The following NYAP2 variants were observed in gnomAD, a reference collection of about 807,000 sequenced individuals.
NYAP2 encodes neuronal tyrosine-phosphorylated phosphoinositide-3-kinase adapter 2.
In NYAP2, 23 loss-of-function variants were observed where a neutral mutation model predicts 50.4. The observed-to-expected ratio is 0.46, with a 90% confidence interval of 0.33 to 0.65. NYAP2 has a LOEUF of 0.65. Among genes scored for constraint, NYAP2 ranks in the 30% least tolerant of loss-of-function variants. The pLI is 0.02. For synonymous variants in NYAP2, 394 were observed against 365.2 expected, an observed-to-expected ratio of 1.08 and a Z score of -0.90; for missense variants, 885 against 861.0, an observed-to-expected ratio of 1.03 and a Z score of -0.35.
At chr2:225,646,165 T>C (rs1433618254) in intron 6 of NYAP2, among the ~76,000 whole-genome samples, 2 of 152,152 alleles carry the variant, frequency 1.3e-5, no homozygotes, top group Admixed American at 6.5e-5. Flanking sequence ...AGAAACACCA[T>C]AGGAAATTCC....
the NYAP2 span, among the ~76,000 whole-genome samples, chr2:225,685,173 T>TA: frequency 1.3e-5 from 2 of 152,306 alleles, no homozygotes; most frequent in South Asian, 4.1e-4. Context: ...TCTTGAGTAT[T>TA]AGTATGTTTT....
chr2:225,582,502 A>T lies in NYAP2; in HGVS notation c.1085A>T (p.Lys362Met). ...CCGCTTACCCCTCTGGAGGTCACGA[A>T]GCTTCCCGTGCTGGAAAACGTGTCT... Residue 362 changes from lysine to methionine, a missense_variant, in exon 5 of 7, where the codon AAG becomes ATG. Transcript: ENST00000636099. This position sits in a 1 kb window ranked among gnomAD's most constrained non-coding sequence, Gnocchi z 7.0. 6.5e-7 allele frequency: 1 copy of T among 1,540,626 alleles called. No homozygotes were observed. Among genetic ancestry groups the T allele is most frequent in the East Asian group, 2.3e-5 (1 of 42,960 alleles).
At position 225,413,077 on chromosome 2, in the gene NYAP2, C is replaced by A. The variant is rs183357227; in HGVS notation, c.221+3976C>A. Among the ~76,000 whole-genome samples, 154 of 152,234 alleles carry A rather than the reference C, an allele frequency of 1.0e-3. 1 individual carries two copies. Among genetic ancestry groups the A allele is most frequent in the Middle Eastern group, 3.4e-3 (1 of 294 alleles). ...GTAGTATGTGTCTTACTATCTAAAA[C>A]CTTCCTTTCTTTCCTACTCTCCCTC... On this transcript the variant is annotated intron_variant, in intron 3 of 6. Coordinates refer to ENST00000636099, the Ensembl canonical transcript of NYAP2.
At chr2:225,654,617 G>C (rs566838144), downstream of NYAP2, among the ~76,000 whole-genome samples, 5 of 152,282 alleles carry the variant, frequency 3.3e-5, no homozygotes, top group Admixed American at 2.0e-4. Flanking sequence ...CCAGGAGGCA[G>C]AGGTTGCAGT....
In NYAP2 at chr2:225,582,575, C is replaced by T. The variant is rs2106229853; in HGVS notation, c.1158C>T (p.His386=). Residue 386 remains histidine, a synonymous_variant, in exon 5 of 7, where the codon CAC becomes CAT. Transcript: ENST00000636099. This position sits in a 1 kb window ranked among gnomAD's most constrained non-coding sequence, Gnocchi z 7.0. ...CGTCGCCCTCCACGCTGCCGTCCCA[C>T]GTCCCCGGCCATGCGAAACTGGAGA... 2 of 1,594,902 alleles carry T rather than the reference C, an allele frequency of 1.3e-6. No homozygotes were observed. The highest frequency in any genetic ancestry group is 1.7e-6 in the Non-Finnish European group (2 of 1,170,830).
intron 3 of NYAP2, among the ~76,000 whole-genome samples, chr2:225,472,800 C>CT (rs929988332): frequency 4.0e-5 from 6 of 151,370 alleles, no homozygotes; most frequent in African/African-American, 1.2e-4. Context: ...CTTTGATTTT[C>CT]TTTTTTTTCT....
rs181069358 is a variant in NYAP2 at position 225,596,621 on chromosome 2, A to T, written c.1618+13586A>T. Among the ~76,000 whole-genome samples, 813 of 152,112 alleles carry T rather than the reference A, an allele frequency of 5.3e-3. 9 individuals carry two copies. The highest frequency in any genetic ancestry group is 0.018 in the African/African-American group (727 of 41,408). On this transcript the variant is annotated intron_variant, in intron 5 of 6. Transcript: ENST00000636099. Reference sequence around the variant, plus strand: ...GATTTTTCTAAAGCTAATTTTTTTTAAAAAATAGCACCATCCAATAGAATT... The same window carrying T: ...GATTTTTCTAAAGCTAATTTTTTTTTAAAAATAGCACCATCCAATAGAATT...
intron 4 of NYAP2, among the ~76,000 whole-genome samples, chr2:225,521,861 C>T (rs1222689977): frequency 1.3e-5 from 2 of 152,088 alleles, no homozygotes; most frequent in East Asian, 3.9e-4. Context: ...ACCAGTTCCT[C>T]CTTGTACCTC....
the NYAP2 span, among the ~76,000 whole-genome samples, chr2:225,694,476 A>G: frequency 6.6e-6 from 1 of 152,006 alleles, no homozygotes; most frequent in African/African-American, 2.4e-5. Flanking sequence ...TCAACAAAAA[A>G]TAATATTTAG....
At chr2:225,492,229 T>C (rs967996387) in intron 3 of NYAP2, among the ~76,000 whole-genome samples, 5 of 152,222 alleles carry the variant, frequency 3.3e-5, no homozygotes, top group Non-Finnish European at 7.3e-5. Flanking sequence ...CCATCAGATA[T>C]AACACTGTTA....
chr2:225,581,910 A>T (rs1304862546), intron 4 of NYAP2, 31 bp from the exon 5 acceptor site: 1 of 1,570,940 alleles, frequency 6.4e-7, no homozygotes, highest in Non-Finnish European at 8.7e-7. Flanking sequence ...TATTATACTC[A>T]TCTATTCCAC....
chr2:225,545,948 C>T (rs1691573558), intron 4 of NYAP2, among the ~76,000 whole-genome samples: 1 of 152,178 alleles, frequency 6.6e-6, no homozygotes, highest in African/African-American at 2.4e-5. Flanking sequence ...CATAGATGTA[C>T]TGCCTTGGTG....
chr2:225,534,350 G>T (rs1691310232), intron 4 of NYAP2, among the ~76,000 whole-genome samples: 1 of 152,224 alleles, frequency 6.6e-6, no homozygotes, highest in Admixed American at 6.5e-5. Flanking sequence ...CAGAGAGACA[G>T]ATGCTTGGAA....
At chr2:225,505,520 A>C (rs1454358738) in intron 3 of NYAP2, among the ~76,000 whole-genome samples, 1 of 152,208 alleles carries the variant, frequency 6.6e-6, no homozygotes, top group Non-Finnish European at 1.5e-5. Flanking sequence ...CAAATATATA[A>C]AGCAGTTAAT....
chr2:225,655,919 CACACACACAT>C (rs757280723), downstream of NYAP2, among the ~76,000 whole-genome samples: 7,799 of 136,998 alleles, frequency 0.057, 198 homozygotes, highest in Middle Eastern at 0.11. Flanking sequence ...CACACACACA[CACACACACAT>C]ACACACATAC....
chr2:225,594,245 C>T (rs183143474), intron 5 of NYAP2, among the ~76,000 whole-genome samples: 2 of 152,160 alleles, frequency 1.3e-5, no homozygotes, highest in African/African-American at 2.4e-5. Context: ...ATTCAATGGC[C>T]GGGTGCGGTG....
intron 3 of NYAP2, among the ~76,000 whole-genome samples, chr2:225,464,594 C>T (rs746140165): frequency 2.6e-5 from 4 of 152,158 alleles, no homozygotes; most frequent in Non-Finnish European, 2.9e-5. Context: ...GGGACAGGGG[C>T]TTGTGGATCC....
rs148338183 is a variant in NYAP2 at position 225,422,694 on chromosome 2, G to A, written c.221+13593G>A. Among the ~76,000 whole-genome samples the A allele has an allele frequency of 2.3e-3, 357 of 152,238 alleles. 2 individuals carry two copies. Among genetic ancestry groups the A allele is most frequent in the African/African-American group, 8.3e-3 (345 of 41,546 alleles). The stretch of plus-strand genomic sequence containing the variant: ...AAAAAGTATAGTCAATACAAAATTT[G>A]CAAAGTCAGATGAGGGCATCACTGT... On this transcript the variant is annotated intron_variant, in intron 3 of 6. Coordinates refer to ENST00000636099, the Ensembl canonical transcript of NYAP2.
intron 3 of NYAP2, among the ~76,000 whole-genome samples, chr2:225,428,747 G>T (rs573795068): frequency 6.6e-6 from 1 of 152,278 alleles, no homozygotes; most frequent in East Asian, 1.9e-4. Context: ...AGGAAACTGG[G>T]CTTTAGAATT....
Sources: gnomAD v4.1 joint callset for allele counts (sites outside exome capture counted in the v4.1 genomes callset) on GRCh38, gnomAD v4.1.1 for gene constraint, Gnocchi (gnomAD v3.1) non-coding constraint, MANE v1.5 for transcripts, NCBI Gene and HGNC (gene_info 2026-07-23, HGNC 2026-07-21) for gene names.